The following LAMA4 variants were observed in gnomAD, a reference collection of about 807,000 sequenced individuals.
LAMA4 encodes the protein laminin subunit alpha 4.
In LAMA4, 127 loss-of-function variants were observed where a neutral mutation model predicts 207.1. That is an observed-to-expected ratio of 0.61 (90% CI 0.53 to 0.71). The LOEUF (loss-of-function observed/expected upper bound fraction) is 0.71, where lower values mean the gene tolerates loss of function less well. Ranked by LOEUF, LAMA4 falls within the 30% of genes least tolerant of loss-of-function variation. LAMA4 has a pLI of 0.00. For synonymous variants in LAMA4, 761 were observed against 816.0 expected (o/e 0.93, Z 1.15); for missense variants, 2,093 against 2,246.5 (o/e 0.93, Z 1.38).
intron 6 of LAMA4, among the ~76,000 whole-genome samples, chr6:112,190,047 G>C (rs1782925743): frequency 6.6e-6 from 1 of 152,214 alleles, no homozygotes; most frequent in South Asian, 2.1e-4. Flanking sequence ...ATAAAAACCA[G>C]GTTCATGGGA....
chr6:112,134,968 T>A (rs1414232231), intron 25 of LAMA4, among the ~76,000 whole-genome samples: 1 of 151,988 alleles, frequency 6.6e-6, no homozygotes, highest in Admixed American at 6.6e-5. Context: ...TTTATTCAAG[T>A]CTAGTTGACA....
chr6:112,242,647 A>C (rs868955375), intron 2 of LAMA4, among the ~76,000 whole-genome samples: 11 of 152,260 alleles, frequency 7.2e-5, no homozygotes, highest in African/African-American at 2.4e-4. Flanking sequence ...TTTCAGTAGC[A>C]ATGTTTTAGA....
chr6:112,149,284 G>A (rs1451804701), intron 17 of LAMA4, among the ~76,000 whole-genome samples: 3 of 152,020 alleles, frequency 2.0e-5, no homozygotes, highest in Non-Finnish European at 4.4e-5. Flanking sequence ...TAACCTTCAT[G>A]AACCTCAGGG....
intron 38 of LAMA4, among the ~76,000 whole-genome samples, chr6:112,112,620 G>A (rs1452698446): frequency 1.3e-5 from 2 of 152,172 alleles, no homozygotes; most frequent in African/African-American, 4.8e-5. Flanking sequence ...CAGGAACAGG[G>A]AGAGGACTGG....
chr6:112,174,251 A>G (rs573170896), intron 11 of LAMA4, among the ~76,000 whole-genome samples: 8 of 152,190 alleles, frequency 5.3e-5, no homozygotes, highest in Non-Finnish European at 1.2e-4. Context: ...TGTGCTTTTC[A>G]TTCTTGCTCT....
At chr6:112,218,276 T>C (rs1784740273) in intron 2 of LAMA4, 1 of 152,174 alleles carries the variant, frequency 6.6e-6, no homozygotes, top group Non-Finnish European at 1.5e-5. Flanking sequence ...GGGGAGCTTC[T>C]GATTCAGTGA....
intron 28 of LAMA4, 55 bp from the exon 29 acceptor site, chr6:112,131,156 A>G: frequency 1.3e-6 from 2 of 1,553,174 alleles, no homozygotes; most frequent in South Asian, 2.2e-5. Context: ...AAAAGACGGA[A>G]ATGTTTTCAA....
chr6:112,201,563 G>T, intron 5 of LAMA4, 45 bp downstream of exon 5: 2 of 1,474,920 alleles, frequency 1.4e-6, no homozygotes, highest in Non-Finnish European at 1.9e-6. Context: ...GAAACAGAAA[G>T]CTTCCTTTGA....
intron 35 of LAMA4, 80 bp from the exon 36 acceptor site, chr6:112,116,073 AT>A: frequency 1.4e-6 from 2 of 1,389,306 alleles, no homozygotes; most frequent in Non-Finnish European, 2.0e-6. Context: ...AATTATATAT[AT>A]TTTTATCTGT....
At position 112,148,314 on chromosome 6, in the gene LAMA4, C is replaced by G. The variant is rs782779914; in HGVS notation, c.2196G>C (p.Gly732=). The G allele has an allele frequency of 2.5e-6, 4 of 1,614,018 alleles. No individual in the cohort carries two copies. The Admixed American group carries it at 6.7e-5, about 27-fold the overall frequency. Residue 732 remains glycine, a synonymous_variant, in exon 18 of 39, where the codon GGG becomes GGC. Transcript: ENST00000230538. The part of the protein sequence containing the change: ...AERGDAQQRL[G]QSRLITEEAN... The stretch of plus-strand genomic sequence containing the variant: ...CTTCCTCGGTGATCAGTCTAGACTG[C>G]CCCAGGCGCTGCTGGGCATCCCCTT...
Position 112,222,062 on chromosome 6 carries a change from T to G in LAMA4, c.196-5593A>C, listed in dbSNP as rs994813144. 5.3e-5 allele frequency among the ~76,000 whole-genome samples: 8 copies of G among 152,290 alleles called. No individual in the cohort carries two copies. In the East Asian group the frequency reaches 1.5e-3, roughly 29 times the overall value. ...AGATCAGGCTTAACATGTCCTGATT[T>G]TTAGTGCACAAACCTATAAAGTGCC... is the stretch of plus-strand genomic sequence containing the variant. On this transcript the variant is annotated intron_variant, in intron 2 of 38. Coordinates refer to ENST00000230538, the MANE Select transcript of LAMA4 (RefSeq NM_001105206.3).
In LAMA4 at chr6:112,122,144, G is replaced by A. The variant is rs372872387; in HGVS notation, c.4345C>T (p.Arg1449Trp). 28 of 1,613,742 alleles carry A rather than the reference G, an allele frequency of 1.7e-5. No homozygotes were observed. The highest frequency in any genetic ancestry group is 1.1e-4 in the South Asian group (10 of 91,076). Residue 1449 changes from arginine (R) to tryptophan (W), a missense_variant, in exon 32 of 39, where the codon CGG becomes TGG. Physicochemically the swap from Arg to Trp is moderately radical, Grantham distance 101. This residue lies in a region of LAMA4 where 1,704 missense variants were observed against 1,788.4 expected (regional missense o/e 0.95). Transcript: ENST00000230538. ...WDPVALKLPERNTPRNSHCHL... is the reference protein window; with the variant it reads ...WDPVALKLPEWNTPRNSHCHL... ...CAATGAGAGTTTCTTGGAGTATTCCGCTCTGGGAGTTTCAGAGCAACAGGA... is the reference window on the plus strand; with the variant it reads ...CAATGAGAGTTTCTTGGAGTATTCCACTCTGGGAGTTTCAGAGCAACAGGA...
intron 2 of LAMA4, among the ~76,000 whole-genome samples, chr6:112,222,650 C>T (rs554743183): frequency 4.6e-5 from 7 of 152,302 alleles, no homozygotes; most frequent in Non-Finnish European, 1.0e-4. Context: ...GGCTACTCCT[C>T]AGCACTCTTC....
chr6:112,191,752 T>A lies in LAMA4; in HGVS notation c.602A>T (p.Asp201Val), dbSNP rs1783133598. The change falls in exon 6 of 39, where the codon GAT (aspartate) becomes GTT (valine). Residue 201 changes from aspartate to valine, a missense_variant. Transcript: ENST00000230538. Reference protein sequence around the residue: ...GNSDPNLIFEDCDEVTGQCRN... With the variant: ...GNSDPNLIFEVCDEVTGQCRN... ...ACACTGGCCAGTGACTTCATCACAA[T>A]CTTCAAAGATCAGGTTGGGATCTGA... The A allele has an allele frequency of 6.2e-7, 1 of 1,613,994 alleles. No individual in the cohort carries two copies. Among genetic ancestry groups the A allele is most frequent in the South Asian group, 1.1e-5 (1 of 91,086 alleles).
chr6:112,210,686 T>C (rs781925167), intron 3 of LAMA4, among the ~76,000 whole-genome samples: 33 of 152,192 alleles, frequency 2.2e-4, no homozygotes, highest in Non-Finnish European at 4.4e-4. Flanking sequence ...TATTTTGCAT[T>C]CTCATTTTCT....
chr6:112,183,489 T>A (rs1005556906), intron 9 of LAMA4, among the ~76,000 whole-genome samples: 3 of 152,200 alleles, frequency 2.0e-5, no homozygotes, highest in African/African-American at 4.8e-5. Flanking sequence ...ACTGTGATGT[T>A]AACTTTCAAG....
At chr6:112,113,306 A>T (rs1360813716) in intron 38 of LAMA4, among the ~76,000 whole-genome samples, 2 of 152,224 alleles carry the variant, frequency 1.3e-5, no homozygotes, top group Admixed American at 6.5e-5. Flanking sequence ...CAACTATGAT[A>T]TGTCAATTAA....
intron 24 of LAMA4, among the ~76,000 whole-genome samples, chr6:112,138,391 A>G (rs1285596938): frequency 6.6e-6 from 1 of 152,204 alleles, no homozygotes; most frequent in African/African-American, 2.4e-5. Flanking sequence ...CTGTTGAAAT[A>G]AACTGGACTT....
Position 112,114,211 on chromosome 6 carries a change from A to G in LAMA4, c.5207-16T>C, listed in dbSNP as rs371842580. ...TCTCTAATAACTGAAATGCAGGGCA[A>G]AGACTGGTCATAAGTGGCACTGGAG... On this transcript the variant is annotated splice_polypyrimidine_tract_variant and intron_variant, in intron 37 of 38. Transcript: ENST00000230538. The G allele has an allele frequency of 2.0e-5, 32 of 1,612,738 alleles. No homozygotes were observed. Among genetic ancestry groups the G allele is most frequent in the Middle Eastern group, 1.6e-4 (1 of 6,078 alleles).
Sources: allele counts gnomAD v4.1 joint callset (sites outside exome capture counted in the v4.1 genomes callset), GRCh38; gene constraint gnomAD v4.1.1; regional missense constraint gnomAD v4.1.1; transcripts MANE v1.5; gene names NCBI Gene and HGNC (gene_info 2026-07-23, HGNC 2026-07-21).